ZBTB41: variants seen among roughly 807,000 people sequenced by gnomAD.
ZBTB41 encodes zinc finger and BTB domain containing 41, also known as zinc finger and BTB domain-containing protein 41.
ZBTB41 carries 42 observed loss-of-function variants against 87.6 expected under a neutral mutation model. The ratio of observed to expected loss-of-function variants is 0.48; its 90% CI spans 0.37 to 0.62. ZBTB41 has a LOEUF of 0.62. Among genes scored for constraint, ZBTB41 ranks in the 20% least tolerant of loss-of-function variants. The probability of loss-of-function intolerance (pLI) is 0.00; values close to 1 mark genes in which losing one functional copy is unlikely to be tolerated. For synonymous variants in ZBTB41, 364 were observed against 364.0 expected (o/e 1.00, Z 0.00); for missense variants, 799 against 1,078.9 (o/e 0.74, Z 3.63).
intron 9 of ZBTB41, 143 bp downstream of exon 9, chr1:197,174,867 T>G (rs1229871056): frequency 1.0e-5 from 5 of 482,500 alleles, no homozygotes; most frequent in East Asian, 3.4e-5. Flanking sequence ...TGAATTCTTT[T>G]AGGTCTATAG....
chr1:197,198,332 C>T (rs1037117595), intron 2 of ZBTB41, among the ~76,000 whole-genome samples: 30 of 152,238 alleles, frequency 2.0e-4, no homozygotes, highest in African/African-American at 6.3e-4. Flanking sequence ...ACTGTTATGT[C>T]AGCGTATAAT....
At chr1:197,187,162 A>G (rs1409978350) in intron 5 of ZBTB41, among the ~76,000 whole-genome samples, 1 of 152,220 alleles carries the variant, frequency 6.6e-6, no homozygotes, top group South Asian at 2.1e-4. Context: ...CAAACTAATT[A>G]TACTCTTACC....
At chr1:197,186,511 G>C (rs1416792871) in intron 5 of ZBTB41, among the ~76,000 whole-genome samples, 1 of 152,138 alleles carries the variant, frequency 6.6e-6, no homozygotes, top group East Asian at 1.9e-4. Flanking sequence ...TCTGATAAGT[G>C]TTATCCAAAA....
chr1:197,155,903 A>C lies in ZBTB41; in HGVS notation c.*3456T>G, dbSNP rs943221397. 1 of 152,292 alleles carries C rather than the reference A, an allele frequency of 6.6e-6. No individual in the cohort carries two copies. The highest frequency in any genetic ancestry group is 2.4e-5 in the African/African-American group (1 of 41,402). The allele number at this position is 152,292 out of a possible 1,614,324, so 9.4% of individuals were successfully genotyped here. A position where few individuals can be genotyped will look rare whatever the true frequency, so the allele number is the denominator to read the frequency against. ...CTTGCTGGCATAAGGACCAACCCCT[A>C]ACCTTAAATGGGATTTTAGGCTGCA... On this transcript the variant is annotated 3_prime_UTR_variant, in exon 11 of 11. Coordinates refer to ENST00000367405, the MANE Select transcript of ZBTB41 (RefSeq NM_194314.3).
intron 8 of ZBTB41, 62 bp downstream of exon 8, chr1:197,176,502 A>G (rs1181777244): frequency 8.9e-7 from 1 of 1,122,516 alleles, no homozygotes; most frequent in African/African-American, 1.6e-5. Flanking sequence ...ATAACATCAT[A>G]TTATGTTCCT....
intron 10 of ZBTB41, among the ~76,000 whole-genome samples, chr1:197,167,760 A>G (rs1277084869): frequency 1.3e-5 from 2 of 152,208 alleles, no homozygotes; most frequent in Middle Eastern, 3.2e-3. Context: ...CTGACTATCT[A>G]CAAAAAACCT....
At chr1:197,189,371 C>T (rs780140589) in intron 4 of ZBTB41, among the ~76,000 whole-genome samples, 1 of 151,714 alleles carries the variant, frequency 6.6e-6, no homozygotes, top group Non-Finnish European at 1.5e-5. Flanking sequence ...ACTAAAAATA[C>T]AAAAATTAGT....
chr1:197,170,090 T>C (rs1236285709), intron 10 of ZBTB41, among the ~76,000 whole-genome samples: 1 of 151,988 alleles, frequency 6.6e-6, no homozygotes, highest in African/African-American at 2.4e-5. Flanking sequence ...CAATTAGGTG[T>C]ACTGAACTGG....
At chr1:197,167,940 G>T (rs1047169465) in intron 10 of ZBTB41, among the ~76,000 whole-genome samples, 4 of 152,084 alleles carry the variant, frequency 2.6e-5, no homozygotes, top group Non-Finnish European at 5.9e-5. Flanking sequence ...GAGAGAGAGA[G>T]TGTGTGTTAT....
chr1:197,175,245 G>T, intron 8 of ZBTB41, 130 bp from the exon 9 acceptor site: 3 of 671,250 alleles, frequency 4.5e-6, no homozygotes, highest in Non-Finnish European at 7.1e-6. Flanking sequence ...ATTTTATTCT[G>T]CACTATTTGC....
chr1:197,198,389 A>G (rs1324311569), intron 2 of ZBTB41, among the ~76,000 whole-genome samples: 1 of 152,188 alleles, frequency 6.6e-6, no homozygotes, highest in African/African-American at 2.4e-5. Context: ...TAAAAAACCA[A>G]TTTCCGCCTA....
chr1:197,200,995 G>A (rs1216810546), intron 1 of ZBTB41, among the ~76,000 whole-genome samples: 1 of 152,178 alleles, frequency 6.6e-6, no homozygotes, highest in Non-Finnish European at 1.5e-5. Context: ...CCTCGGGCGG[G>A]CAAGGCACAG....
chr1:197,173,787 C>A (rs1659532295), intron 9 of ZBTB41, among the ~76,000 whole-genome samples: 1 of 152,068 alleles, frequency 6.6e-6, no homozygotes, highest in Admixed American at 6.6e-5. Context: ...AACAGGGTCA[C>A]CATGGGCACA....
intron 10 of ZBTB41, among the ~76,000 whole-genome samples, chr1:197,171,566 G>T (rs975258197): frequency 6.6e-6 from 1 of 152,024 alleles, no homozygotes; most frequent in African/African-American, 2.4e-5. Context: ...ATATAAGAAA[G>T]AATCTAACAT....
chr1:197,160,020 T>TA lies in ZBTB41; in HGVS notation c.2075-7_2075-6insT. The TA allele has an allele frequency of 6.2e-7, 1 of 1,601,818 alleles. No individual in the cohort carries two copies. Among genetic ancestry groups the TA allele is most frequent in the Non-Finnish European group, 8.5e-7 (1 of 1,171,610 alleles). The stretch of plus-strand genomic sequence containing the variant: ...ACACTTGTATGGTTTTTCACCTATA[T>TA]GAATGAACAAGAATATAATTAGATG... On this transcript the variant is annotated splice_region_variant and splice_polypyrimidine_tract_variant and intron_variant, in intron 10 of 10. Coordinates refer to ENST00000367405, the MANE Select transcript of ZBTB41 (RefSeq NM_194314.3).
At position 197,181,005 on chromosome 1, in the gene ZBTB41, T is replaced by C; in HGVS notation, c.1659A>G (p.Gly553=). 1 of 1,594,740 alleles carries C rather than the reference T, an allele frequency of 6.3e-7. No individual in the cohort carries two copies. The highest frequency in any genetic ancestry group is 8.5e-7 in the Non-Finnish European group (1 of 1,175,498). ...GKRKWTCFIC[G]KSVRERTTLK... ...TTCTTCACCTTTCTCGTACTGATTT[T>C]CCACAGATAAAGCAAGTCCATTTTC... The change falls in exon 6 of 11, where the codon GGA becomes GGG. Residue 553 remains glycine (G), a synonymous_variant. Transcript: ENST00000367405.
chr1:197,159,401 A>C lies in ZBTB41; in HGVS notation c.2688T>G (p.Thr896=), dbSNP rs1242209938. The C allele has an allele frequency of 6.2e-7, 1 of 1,613,868 alleles. No individual in the cohort carries two copies. Among genetic ancestry groups the C allele is most frequent in the Non-Finnish European group, 8.5e-7 (1 of 1,179,772 alleles). The change falls in exon 11 of 11, where the codon ACT becomes ACG. Residue 896 remains threonine, a synonymous_variant. Coordinates refer to ENST00000367405, the MANE Select transcript of ZBTB41 (RefSeq NM_194314.3). The stretch of plus-strand genomic sequence containing the variant: ...TCGTAGAAATATTTTGAACACCAGT[A>C]GTGCTATCAAGGCCCAGTAATGTTC... The part of the protein sequence containing the change: ...YLGTLLGLDS[T]TGVQNISTNE...
chr1:197,188,273 G>GA lies in ZBTB41; in HGVS notation c.1546+18dup, dbSNP rs766371634. On this transcript the variant is annotated intron_variant, in intron 5 of 10. Coordinates refer to ENST00000367405, the MANE Select transcript of ZBTB41 (RefSeq NM_194314.3). ...ATTAAAATTGTCATGACTGCCTTAA[G>GA]AAAAAGTAACTTGCTTACCCAGATG... is the stretch of plus-strand genomic sequence containing the variant. 3 of 1,610,940 alleles carry GA rather than the reference G, an allele frequency of 1.9e-6. No homozygotes were observed. The highest frequency in any genetic ancestry group is 1.1e-5 in the South Asian group (1 of 90,402).
chr1:197,194,314 G>A (rs945082854), intron 2 of ZBTB41, among the ~76,000 whole-genome samples: 4 of 151,958 alleles, frequency 2.6e-5, no homozygotes, highest in Non-Finnish European at 5.9e-5. Context: ...CACTGCGCCT[G>A]GACCTCATTT....
Sources: gnomAD v4.1 joint callset for allele counts (sites outside exome capture counted in the v4.1 genomes callset) on GRCh38, gnomAD v4.1.1 for gene constraint, MANE v1.5 for transcripts, NCBI Gene and HGNC (gene_info 2026-07-23, HGNC 2026-07-21) for gene names.